Variants in ATP2C2 observed in about 807,000 individuals in gnomAD.
ATP2C2 encodes the protein calcium-transporting ATPase type 2C member 2.
ATP2C2 carries 171 observed loss-of-function variants against 110.8 expected under a neutral mutation model. That is an observed-to-expected ratio of 1.54 (90% CI 1.36 to 1.75). ATP2C2 has a LOEUF of 1.75. Ranked by LOEUF, ATP2C2 falls within the 40% of genes most tolerant of loss-of-function variation. ATP2C2 has a pLI of 0.00. For synonymous variants in ATP2C2, 804 were observed against 508.4 expected (o/e 1.58, Z -7.82); for missense variants, 1,963 against 1,235.0 (o/e 1.59, Z -8.84).
At chr16:84,419,398 C>T (rs1907127088) in intron 7 of ATP2C2, among the ~76,000 whole-genome samples, 1 of 152,056 alleles carries the variant, frequency 6.6e-6, no homozygotes, top group South Asian at 2.1e-4. Flanking sequence ...ATCTCCAACC[C>T]TCCGTCCTCC....
intron 6 of ATP2C2, among the ~76,000 whole-genome samples, chr16:84,412,024 T>C (rs548491011): frequency 2.0e-4 from 31 of 151,906 alleles, no homozygotes; most frequent in Non-Finnish European, 3.5e-4. Flanking sequence ...TTGTTGTTGT[T>C]GTTGAGACAG....
At chr16:84,393,074 G>A (rs544110247) in intron 1 of ATP2C2, among the ~76,000 whole-genome samples, 1 of 152,310 alleles carries the variant, frequency 6.6e-6, no homozygotes, top group African/African-American at 2.4e-5. Flanking sequence ...GTCCTGATCA[G>A]CAGCGGGCAC....
At chr16:84,420,594 T>G (rs999597989) in intron 7 of ATP2C2, among the ~76,000 whole-genome samples, 1 of 152,052 alleles carries the variant, frequency 6.6e-6, no homozygotes, top group Admixed American at 6.5e-5. Context: ...ATGCCTTAGC[T>G]TACTTGGGTA....
chr16:84,407,247 T>C (rs996911059), intron 3 of ATP2C2: 4 of 152,176 alleles, frequency 2.6e-5, no homozygotes, highest in African/African-American at 9.7e-5. Context: ...AGTCTCACCA[T>C]TAGGAATTCT....
At chr16:84,433,424 T>C (rs1430658854) in intron 11 of ATP2C2, among the ~76,000 whole-genome samples, 2 of 150,400 alleles carry the variant, frequency 1.3e-5, no homozygotes, top group African/African-American at 4.9e-5. Context: ...CAAAAAAATC[T>C]CCTGCAGATC....
In ATP2C2 at chr16:84,454,993, C is replaced by G; in HGVS notation, c.2147+9C>G. On this transcript the variant is annotated intron_variant, in intron 21 of 26. Coordinates refer to ENST00000262429, the MANE Select transcript of ATP2C2 (RefSeq NM_014861.4). ...GACTTCTCAGCCATCATGTAAGCTGCCCTTCTGGTTGTTTTTCAGTTGCAA... is the reference window on the plus strand; with the variant it reads ...GACTTCTCAGCCATCATGTAAGCTGGCCTTCTGGTTGTTTTTCAGTTGCAA... 1.2e-6 allele frequency: 2 copies of G among 1,613,040 alleles called. No individual in the cohort carries two copies. The highest frequency in any genetic ancestry group is 1.7e-6 in the Non-Finnish European group (2 of 1,179,588).
At chr16:84,425,828 C>T in intron 11 of ATP2C2, 27 bp downstream of exon 11, 1 of 1,611,882 alleles carries the variant, frequency 6.2e-7, no homozygotes, top group East Asian at 2.2e-5. Flanking sequence ...CGCCCCTTGC[C>T]TTGCCAGGGT....
At chr16:84,459,248 A>T (rs1911004944) in intron 22 of ATP2C2, 22 bp from the exon 23 acceptor site, 1 of 1,613,940 alleles carries the variant, frequency 6.2e-7, no homozygotes, top group African/African-American at 1.3e-5. Context: ...GCGGCCGCTG[A>T]CTGGCTGCGT....
intron 7 of ATP2C2, among the ~76,000 whole-genome samples, chr16:84,419,175 T>A (rs1907099908): frequency 7.6e-6 from 1 of 132,112 alleles, no homozygotes; most frequent in South Asian, 2.4e-4. Flanking sequence ...ACCACTGCAC[T>A]GTAGCCTGGG....
At chr16:84,402,873 G>A (rs760243107) in intron 2 of ATP2C2, among the ~76,000 whole-genome samples, 9 of 152,078 alleles carry the variant, frequency 5.9e-5, no homozygotes, top group Non-Finnish European at 8.8e-5. Context: ...TCGCTTCTTC[G>A]AGTGTTTGGT....
At chr16:84,447,723 TAAG>T (rs200380687) in intron 16 of ATP2C2, among the ~76,000 whole-genome samples, 3,072 of 138,054 alleles carry the variant, frequency 0.022, 49 homozygotes, top group Non-Finnish European at 0.035. Context: ...TATAATTGTA[TAAG>T]AATATATTAG....
chr16:84,392,862 A>C (rs1288270409), intron 1 of ATP2C2, among the ~76,000 whole-genome samples: 2 of 152,132 alleles, frequency 1.3e-5, no homozygotes, highest in Non-Finnish European at 1.5e-5. Context: ...GTGTCATTCA[A>C]CGTGTCTATT....
chr16:84,440,178 G>A (rs1041485509), intron 13 of ATP2C2, among the ~76,000 whole-genome samples: 1 of 152,216 alleles, frequency 6.6e-6, no homozygotes, highest in South Asian at 2.1e-4. Context: ...TGTCGCCCAG[G>A]TTGCAGTGCA....
chr16:84,422,374 C>T lies in ATP2C2; in HGVS notation c.625-16C>T, dbSNP rs368557589. On this transcript the variant is annotated splice_polypyrimidine_tract_variant and intron_variant, in intron 7 of 26. Coordinates refer to ENST00000262429, the MANE Select transcript of ATP2C2 (RefSeq NM_014861.4). ...TGACAGAGAGATTCCACAGCCTTTT[C>T]CCCTTGCTCTCCTAGGTCACGGACC... 564 of 1,609,944 alleles carry T rather than the reference C, an allele frequency of 3.5e-4. No individual in the cohort carries two copies. Among genetic ancestry groups the T allele is most frequent in the Non-Finnish European group, 4.5e-4 (528 of 1,178,226 alleles).
chr16:84,453,315 G>A lies in ATP2C2; in HGVS notation c.1930-6G>A. On this transcript the variant is annotated splice_region_variant and splice_polypyrimidine_tract_variant and intron_variant, in intron 19 of 26. Transcript: ENST00000262429. ...GATTCTTCGTCTTCCCCGTCTCCGT[G>A]TCCAGGTGTCCGTGTTCTTCAGGAC... 2 of 1,614,186 alleles carry A rather than the reference G, an allele frequency of 1.2e-6. No homozygotes were observed. Among genetic ancestry groups the A allele is most frequent in the Non-Finnish European group, 8.5e-7 (1 of 1,180,022 alleles).
chr16:84,450,025 C>T (rs1300504960), intron 17 of ATP2C2, among the ~76,000 whole-genome samples: 1 of 152,260 alleles, frequency 6.6e-6, no homozygotes, highest in Non-Finnish European at 1.5e-5. Context: ...CAGCCAGCGC[C>T]TTCGCCCGGA....
In ATP2C2 at chr16:84,446,369, AAG is replaced by A. The variant is rs778777241; in HGVS notation, c.1446_1447del (p.Glu482AspfsTer19). ...ATTAAAAATTCATATATAAGAAAAA[AAG>A]AGATTCCATTCAGTTCAGAGCAGAA... On this transcript the variant is annotated frameshift_variant, in exon 16 of 27. Transcript: ENST00000262429. LOFTEE classifies it high-confidence loss of function. 9.3e-6 allele frequency: 15 copies of A among 1,604,514 alleles called. No individual in the cohort carries two copies. In the Admixed American group the frequency reaches 2.1e-4, roughly 22 times the overall value.
Position 84,405,154 on chromosome 16 carries a change from G to A in ATP2C2, c.237G>A (p.Glu79=), listed in dbSNP as rs752567627. The A allele has an allele frequency of 2.5e-6, 4 of 1,613,986 alleles. No individual in the cohort carries two copies. Among genetic ancestry groups the A allele is most frequent in the African/African-American group, 2.7e-5 (2 of 74,898 alleles). The change falls in exon 3 of 27, where the codon GAG becomes GAA. Residue 79 remains glutamate (E), a synonymous_variant. Coordinates refer to ENST00000262429, the MANE Select transcript of ATP2C2 (RefSeq NM_014861.4). The part of the protein sequence containing the change: ...FCVDLHTGLS[E]FSVTQRRLAH... Reference sequence around the variant, plus strand: ...TGGACTTACACACTGGGCTGTCGGAGTTCTCGGTGACGCAGCGCCGGCTGG... The same window carrying A: ...TGGACTTACACACTGGGCTGTCGGAATTCTCGGTGACGCAGCGCCGGCTGG...
intron 1 of ATP2C2, among the ~76,000 whole-genome samples, chr16:84,391,050 GT>G (rs1490413319): frequency 4.2e-5 from 6 of 142,094 alleles, no homozygotes; most frequent in Non-Finnish European, 7.5e-5. Flanking sequence ...GGGGGCAGAG[GT>G]TGCAGTGAGC....
Sources: gnomAD v4.1 joint callset for allele counts (sites outside exome capture counted in the v4.1 genomes callset) on GRCh38, gnomAD v4.1.1 for gene constraint, MANE v1.5 for transcripts, NCBI Gene and HGNC (gene_info 2026-07-23, HGNC 2026-07-21) for gene names.